Variants in PSMG2 observed in about 807,000 individuals in gnomAD.
The protein encoded by PSMG2 is CD40 ligand-activated specific transcript 3.
Under a neutral mutation model 31.5 loss-of-function variants are expected in PSMG2, and 21 were observed. The observed-to-expected ratio is 0.67, with a 90% CI of 0.47 to 0.96. PSMG2 has a LOEUF of 0.96. PSMG2 is among the 40% of genes least tolerant of loss of function. The pLI is 0.00. For synonymous variants in PSMG2, 120 were observed against 110.4 expected (o/e 1.09, Z -0.54); for missense variants, 318 against 321.2 (o/e 0.99, Z 0.08).
chr18:12,697,055 T>C (rs1022197583), intron 1 of PSMG2, among the ~76,000 whole-genome samples: 1 of 152,216 alleles, frequency 6.6e-6, no homozygotes, highest in Non-Finnish European at 1.5e-5. Flanking sequence ...ATATTATTCT[T>C]CAAGACATTT....
At chr18:12,691,658 T>C (rs1025811798) in intron 1 of PSMG2, among the ~76,000 whole-genome samples, 2 of 151,846 alleles carry the variant, frequency 1.3e-5, no homozygotes, top group African/African-American at 4.8e-5. Context: ...CCTAGTACAA[T>C]CCCATCTCCA....
At chr18:12,682,161 TC>T (rs905586312) in intron 1 of PSMG2, among the ~76,000 whole-genome samples, 6 of 152,098 alleles carry the variant, frequency 3.9e-5, no homozygotes, top group African/African-American at 1.4e-4. Flanking sequence ...TGAAGAAATT[TC>T]TTTTTTTTTT....
intron 1 of PSMG2, chr18:12,685,900 G>A (rs531223354): frequency 1.0e-3 from 158 of 158,344 alleles, no homozygotes; most frequent in Non-Finnish European, 1.1e-3. Context: ...CCAAAATGCT[G>A]GGATACAGGC....
intron 1 of PSMG2, among the ~76,000 whole-genome samples, chr18:12,705,288 T>C (rs769208147): frequency 2.0e-5 from 3 of 152,112 alleles, no homozygotes; most frequent in Non-Finnish European, 4.4e-5. Flanking sequence ...GGTCTCAAAC[T>C]CCTAACCTCA....
chr18:12,671,594 T>A (rs1274182250), intron 1 of PSMG2, among the ~76,000 whole-genome samples: 2 of 151,526 alleles, frequency 1.3e-5, no homozygotes, highest in Non-Finnish European at 2.9e-5. Context: ...ACACTTTTTT[T>A]AATATATAAA....
chr18:12,692,372 A>T (rs1235302576), intron 1 of PSMG2: 1 of 151,714 alleles, frequency 6.6e-6, no homozygotes, highest in East Asian at 1.9e-4. Flanking sequence ...TCTCCATCAC[A>T]TTGCAAAATA....
intron 1 of PSMG2, among the ~76,000 whole-genome samples, chr18:12,690,766 A>G (rs989559026): frequency 2.6e-5 from 4 of 152,226 alleles, no homozygotes; most frequent in South Asian, 2.1e-4. Context: ...ACCTGACCAT[A>G]TATTTTATAT....
upstream of PSMG2, chr18:12,701,014 C>T: frequency 6.2e-7 from 1 of 1,613,954 alleles, no homozygotes; most frequent in South Asian, 1.1e-5. Flanking sequence ...CGTCTAAGGG[C>T]TTTGATCAAA....
intron 3 of PSMG2, among the ~76,000 whole-genome samples, chr18:12,714,501 T>C (rs76478551): frequency 6.6e-6 from 1 of 151,906 alleles, no homozygotes; most frequent in African/African-American, 2.4e-5. Flanking sequence ...TTTTTTTTTT[T>C]TTCCTTGAAA....
chr18:12,673,859 C>T (rs985012147), intron 1 of PSMG2, among the ~76,000 whole-genome samples: 8 of 151,978 alleles, frequency 5.3e-5, no homozygotes, highest in East Asian at 1.9e-4. Context: ...ACAGCCTGGG[C>T]GACAGACTGA....
rs2040421629 is a variant in PSMG2 at position 12,720,576 on chromosome 18, T to C, written c.474T>C (p.Leu158=). The C allele has an allele frequency of 6.2e-7, 1 of 1,613,614 alleles. No homozygotes were observed. The highest frequency in any genetic ancestry group is 8.5e-7 in the Non-Finnish European group (1 of 1,179,706). The change falls in exon 5 of 7, where the codon CTT becomes CTC. Residue 158 remains leucine (L), a synonymous_variant. Transcript: ENST00000317615. ...GTGTTCAAAATAAAATAAAGAGCCT[T>C]AACTGGGAAGAAATGGAAAAAAGCC... is the stretch of plus-strand genomic sequence containing the variant. ...QKSVQNKIKS[L]NWEEMEKSRC...
intron 1 of PSMG2, among the ~76,000 whole-genome samples, chr18:12,659,561 C>G (rs989459625): frequency 3.3e-5 from 5 of 151,856 alleles, no homozygotes; most frequent in African/African-American, 1.2e-4. Context: ...TCCCAGCTAC[C>G]CGGGAGGCTG....
intron 3 of PSMG2, among the ~76,000 whole-genome samples, chr18:12,716,601 A>G (rs2145146110): frequency 1.3e-5 from 2 of 151,970 alleles, no homozygotes; most frequent in South Asian, 2.1e-4. Context: ...TCACCGTGTT[A>G]GCCAGGATGG....
intron 1 of PSMG2, chr18:12,680,532 G>A: frequency 1.8e-6 from 1 of 560,952 alleles, no homozygotes; most frequent in Non-Finnish European, 2.9e-6. Context: ...GGGAGGTGGA[G>A]GTTGCAGTGA....
At chr18:12,710,992 C>T (rs905598481) in intron 2 of PSMG2, among the ~76,000 whole-genome samples, 1 of 152,082 alleles carries the variant, frequency 6.6e-6, no homozygotes, top group Non-Finnish European at 1.5e-5. Flanking sequence ...CCCAGCTACT[C>T]AGGAGGCTGA....
chr18:12,679,639 G>A (rs1250465049), intron 1 of PSMG2, among the ~76,000 whole-genome samples: 2 of 152,096 alleles, frequency 1.3e-5, no homozygotes, highest in African/African-American at 4.8e-5. Context: ...TCTAATGACA[G>A]GCTAAAGTAC....
At chr18:12,667,848 CT>C (rs36019439) in intron 1 of PSMG2, among the ~76,000 whole-genome samples, 41,857 of 116,510 alleles carry the variant, frequency 0.36, 8,007 homozygotes, top group Non-Finnish European at 0.42. Flanking sequence ...CTTTCTGATC[CT>C]TTTTTTTTTT....
At chr18:12,666,153 CA>C (rs35334528) in intron 1 of PSMG2, among the ~76,000 whole-genome samples, 20,963 of 116,756 alleles carry the variant, frequency 0.18, 1,410 homozygotes, top group East Asian at 0.27. Flanking sequence ...CTCATCTCTA[CA>C]AAAAAAAAAA....
rs2039744086 is a variant in PSMG2, at chr18:12,691,125, A to T, written c.-36-15425A>T. The T allele has an allele frequency of 8.0e-6, 3 of 376,718 alleles. No homozygotes were observed. The South Asian group carries it at 2.5e-4, about 31-fold the overall frequency. 23.3% of individuals were successfully genotyped at this position (376,718 alleles called of 1,614,324 possible). Reference sequence around the variant, plus strand: ...AACACAATAATTGATTCAACCTGAGAAAGGTGATTTTTCAAAAACCCACAA... The same window carrying T: ...AACACAATAATTGATTCAACCTGAGTAAGGTGATTTTTCAAAAACCCACAA... On this transcript the variant is annotated intron_variant, in intron 1 of 6. Transcript: ENST00000585331.
Sources: allele counts gnomAD v4.1 joint callset (sites outside exome capture counted in the v4.1 genomes callset), GRCh38; gene constraint gnomAD v4.1.1; transcripts MANE v1.5; gene names NCBI Gene and HGNC (gene_info 2026-07-23, HGNC 2026-07-21).